CTNNBL1: variants seen among roughly 807,000 people sequenced by gnomAD.
The protein encoded by CTNNBL1 is catenin beta like 1.
CTNNBL1 carries 31 observed loss-of-function variants against 72.7 expected under a neutral mutation model. That is an observed-to-expected ratio of 0.43 (90% confidence interval 0.32 to 0.58). CTNNBL1 has a LOEUF of 0.58. Ranked by LOEUF, CTNNBL1 falls within the 20% of genes least tolerant of loss-of-function variation. The pLI, the probability that CTNNBL1 is intolerant of heterozygous loss-of-function variation, is 0.08. For synonymous variants in CTNNBL1, 240 were observed against 267.3 expected, an observed-to-expected ratio of 0.90 and a Z score of 1.00; for missense variants, 534 against 725.1, an observed-to-expected ratio of 0.74 and a Z score of 3.03.
At chr20:37,722,509 TAAATAAATAAATAAAG>T (rs1291342088) in intron 1 of CTNNBL1, among the ~76,000 whole-genome samples, 2 of 149,666 alleles carry the variant, frequency 1.3e-5, no homozygotes, top group South Asian at 2.1e-4. Context: ...AATAAATAAA[TAAATAAATAAATAAAG>T]TCTGTTGTAT....
In CTNNBL1 at chr20:37,866,291, G is replaced by A. The variant is rs77203366; in HGVS notation, c.1604-5634G>A. 8.0e-3 allele frequency among the ~76,000 whole-genome samples: 1,219 copies of A among 152,326 alleles called. 15 individuals carry two copies. The highest frequency in any genetic ancestry group is 0.028 in the African/African-American group (1,144 of 41,578). ...AGAGGGCTCTCGGGAAGCGCTGCCC[G>A]GGGTAGTGTGGTGGTGGTATGCAGG... is the stretch of plus-strand genomic sequence containing the variant. On this transcript the variant is annotated intron_variant, in intron 15 of 15. Transcript: ENST00000361383.
Position 37,752,558 on chromosome 20 carries a change from T to C in CTNNBL1, c.467-5001T>C, listed in dbSNP as rs182244358. On this transcript the variant is annotated intron_variant, in intron 4 of 15. Transcript: ENST00000361383. ...TCTGCTTAATACATCTTATTTCTCT[T>C]TTTTTTTTTTAATAACTTTGTTCCT... is the stretch of plus-strand genomic sequence containing the variant. Among the ~76,000 whole-genome samples, 419 of 146,032 alleles carry C rather than the reference T, an allele frequency of 2.9e-3. 2 individuals are homozygous for C. The highest frequency in any genetic ancestry group is 5.9e-3 in the Admixed American group (87 of 14,824).
intron 11 of CTNNBL1, among the ~76,000 whole-genome samples, chr20:37,831,668 A>T (rs781734672): frequency 6.6e-6 from 1 of 152,034 alleles, no homozygotes; most frequent in Non-Finnish European, 1.5e-5. Context: ...ACCCAGCTGT[A>T]GTTGTTTATT....
intron 13 of CTNNBL1, among the ~76,000 whole-genome samples, chr20:37,843,770 G>A (rs1015251847): frequency 1.3e-5 from 2 of 152,202 alleles, no homozygotes; most frequent in Non-Finnish European, 2.9e-5. Context: ...AACACCAGCA[G>A]ATAGGTAGCT....
At chr20:37,802,049 C>A (rs779863625) in intron 10 of CTNNBL1, among the ~76,000 whole-genome samples, 1 of 152,074 alleles carries the variant, frequency 6.6e-6, no homozygotes, top group Non-Finnish European at 1.5e-5. Flanking sequence ...GTGAGCAATC[C>A]AAAAATGAAA....
At position 37,772,515 on chromosome 20, in the gene CTNNBL1, A is replaced by T. The variant is rs563287322; in HGVS notation, c.750+4471A>T. The stretch of plus-strand genomic sequence containing the variant: ...AGGCGCCCGCCACCACATCCGGCTA[A>T]TTTTTTGTATTTTTAGTAGAGATGG... On this transcript the variant is annotated intron_variant, in intron 7 of 15. Transcript: ENST00000361383. 1.1e-4 allele frequency among the ~76,000 whole-genome samples: 16 copies of T among 152,214 alleles called. No homozygotes were observed. The South Asian group carries it at 3.3e-3, about 32-fold the overall frequency.
intron 1 of CTNNBL1, among the ~76,000 whole-genome samples, chr20:37,716,999 G>A (rs1350180912): frequency 6.6e-6 from 1 of 152,198 alleles, no homozygotes; most frequent in Non-Finnish European, 1.5e-5. Flanking sequence ...ATGAGCAGGT[G>A]TTTGTAAGTG....
chr20:37,798,660 G>A (rs991194735), intron 10 of CTNNBL1, among the ~76,000 whole-genome samples: 7 of 152,040 alleles, frequency 4.6e-5, no homozygotes, highest in Non-Finnish European at 1.0e-4. Flanking sequence ...CCTCAAGAAG[G>A]ATTTTACTTT....
intron 11 of CTNNBL1, among the ~76,000 whole-genome samples, chr20:37,825,983 G>A (rs1050936594): frequency 7.2e-5 from 11 of 152,288 alleles, no homozygotes; most frequent in African/African-American, 2.6e-4. Context: ...AGGCGGCGGT[G>A]TACACACATC....
intron 13 of CTNNBL1, among the ~76,000 whole-genome samples, chr20:37,858,099 A>C (rs2072458923): frequency 6.6e-6 from 1 of 152,256 alleles, no homozygotes; most frequent in Non-Finnish European, 1.5e-5. Flanking sequence ...TGAGAGGCTA[A>C]GGTGGGAGGA....
chr20:37,801,499 T>C (rs1404412016), intron 10 of CTNNBL1, among the ~76,000 whole-genome samples: 1 of 152,236 alleles, frequency 6.6e-6, no homozygotes, highest in Non-Finnish European at 1.5e-5. Context: ...AGTGGCACTA[T>C]TATTCTATGA....
intron 13 of CTNNBL1, among the ~76,000 whole-genome samples, chr20:37,851,196 A>T (rs2072394082): frequency 6.6e-6 from 1 of 152,222 alleles, no homozygotes; most frequent in Admixed American, 6.5e-5. Flanking sequence ...AAACAGGCTT[A>T]TGCTGCTGCG....
chr20:37,859,730 C>T (rs537348197), intron 13 of CTNNBL1, among the ~76,000 whole-genome samples, 169 bp from the exon 14 acceptor site: 4 of 151,876 alleles, frequency 2.6e-5, no homozygotes, highest in Admixed American at 2.6e-4. Flanking sequence ...GAATGAAGAA[C>T]ATGAAAGATA....
chr20:37,864,211 C>G (rs1208896946), intron 15 of CTNNBL1, among the ~76,000 whole-genome samples: 2 of 150,716 alleles, frequency 1.3e-5, no homozygotes, highest in South Asian at 2.1e-4. Flanking sequence ...CCCACCCTTC[C>G]TTCAATCAAA....
intron 11 of CTNNBL1, among the ~76,000 whole-genome samples, chr20:37,821,437 C>T (rs929653929): frequency 6.6e-6 from 1 of 152,106 alleles, no homozygotes; most frequent in Non-Finnish European, 1.5e-5. Context: ...CAGAAATATA[C>T]AAAGGTGGAG....
At chr20:37,741,144 G>T (rs1203730926) in intron 3 of CTNNBL1, among the ~76,000 whole-genome samples, 1 of 152,100 alleles carries the variant, frequency 6.6e-6, no homozygotes, top group Admixed American at 6.5e-5. Flanking sequence ...TCTCAGCCTG[G>T]GTTACTGTTT....
intron 1 of CTNNBL1, among the ~76,000 whole-genome samples, chr20:37,720,025 T>A (rs1270349245): frequency 2.6e-5 from 4 of 151,296 alleles, no homozygotes; most frequent in Non-Finnish European, 5.9e-5. Context: ...TTTTTTAAAA[T>A]TTATTTATTT....
At position 37,705,460 on chromosome 20, in the gene CTNNBL1, G is replaced by A. The variant is rs147257995; in HGVS notation, c.30+11308G>A. 6.1e-3 allele frequency among the ~76,000 whole-genome samples: 922 copies of A among 152,110 alleles called. 10 individuals carry two copies. Among genetic ancestry groups the A allele is most frequent in the African/African-American group, 0.021 (879 of 41,504 alleles). On this transcript the variant is annotated intron_variant, in intron 1 of 15. Transcript: ENST00000361383. Reference sequence around the variant, plus strand: ...ACAACACGCATGCTACAGCAACATGGCAAAAAAAAATTTTTTTTTAATTCT... The same window carrying A: ...ACAACACGCATGCTACAGCAACATGACAAAAAAAAATTTTTTTTTAATTCT...
chr20:37,815,030 ACAT>A (rs1263536586), intron 11 of CTNNBL1, among the ~76,000 whole-genome samples: 1 of 151,886 alleles, frequency 6.6e-6, no homozygotes, highest in Non-Finnish European at 1.5e-5. Context: ...ATTACTGAAA[ACAT>A]CATGGACACC....
Sources: allele counts gnomAD v4.1 joint callset (sites outside exome capture counted in the v4.1 genomes callset), GRCh38; gene constraint gnomAD v4.1.1; transcripts MANE v1.5; gene names NCBI Gene and HGNC (gene_info 2026-07-23, HGNC 2026-07-21).